Variants in DCAF1 observed in about 807,000 individuals in gnomAD.
DCAF1 encodes the protein DDB1 and CUL4 associated factor 1.
Under a neutral mutation model 128.0 loss-of-function variants are expected in DCAF1, and 15 were observed. The observed-to-expected ratio is 0.12, with a 90% CI of 0.08 to 0.18. The LOEUF is 0.18. Among genes scored for constraint, DCAF1 ranks in the 10% least tolerant of loss-of-function variants. The probability of loss-of-function intolerance (pLI) is 1.00; values close to 1 mark genes in which losing one functional copy is unlikely to be tolerated. For synonymous variants in DCAF1, 610 were observed against 603.0 expected (o/e 1.01, Z -0.17); for missense variants, 988 against 1,649.5 (o/e 0.60, Z 6.95).
At chr3:51,463,043 C>T (rs1553645133) in intron 6 of DCAF1, 71 bp downstream of exon 6, 2 of 1,057,902 alleles carry the variant, frequency 1.9e-6, no homozygotes, top group African/African-American at 1.6e-5. Flanking sequence ...TGATTTTAAC[C>T]ACAAAGACAA....
At chr3:51,423,121 G>A (rs1457072308) in intron 13 of DCAF1, among the ~76,000 whole-genome samples, 1 of 151,778 alleles carries the variant, frequency 6.6e-6, no homozygotes, top group African/African-American at 2.4e-5. Flanking sequence ...AAGTAATCTG[G>A]AAATATGAAA....
At chr3:51,483,285 TA>T (rs879989564) in intron 3 of DCAF1, among the ~76,000 whole-genome samples, 5 of 148,716 alleles carry the variant, frequency 3.4e-5, no homozygotes, top group African/African-American at 7.5e-5. Context: ...CTAAAAAATA[TA>T]AAAAGTAGCC....
chr3:51,463,535 C>A (rs1553645425), intron 5 of DCAF1, among the ~76,000 whole-genome samples: 5 of 152,118 alleles, frequency 3.3e-5, no homozygotes, highest in Non-Finnish European at 1.5e-5. Context: ...GTAATCCCAG[C>A]ACTTTGGGAA....
chr3:51,484,832 GC>G (rs1471564334), intron 2 of DCAF1, among the ~76,000 whole-genome samples: 1 of 134,686 alleles, frequency 7.4e-6, no homozygotes, highest in Non-Finnish European at 1.6e-5. Flanking sequence ...ACAGGCGCCC[GC>G]CACCATGCCT....
chr3:51,435,303 C>T (rs1577133186), intron 9 of DCAF1, among the ~76,000 whole-genome samples: 1 of 152,248 alleles, frequency 6.6e-6, no homozygotes, highest in East Asian at 1.9e-4. Context: ...TATCCTTGGG[C>T]CACTGGAGAC....
At chr3:51,407,984 C>CAAAAA (rs59224025) in intron 23 of DCAF1, among the ~76,000 whole-genome samples, 4,661 of 52,242 alleles carry the variant, frequency 0.089, 1,105 homozygotes, top group African/African-American at 0.11. Flanking sequence ...GACTCCATCT[C>CAAAAA]AAAAAAAAAA....
rs1182074425 is a variant in DCAF1, at chr3:51,425,375, G to A, written c.1847+1997C>T. Among the ~76,000 whole-genome samples, 3 of 151,914 alleles carry A rather than the reference G, an allele frequency of 2.0e-5. No individual in the cohort carries two copies. The South Asian group carries it at 6.2e-4, about 31-fold the overall frequency. On this transcript the variant is annotated intron_variant, in intron 13 of 24. Coordinates refer to ENST00000684031, the MANE Select transcript of DCAF1 (RefSeq NM_001387579.1). ...TAATCCCAGCTACTTCAGAGACTGA[G>A]GCACAAGAATCACTTGAACCTGGGA...
intron 9 of DCAF1, chr3:51,438,119 G>T: frequency 4.7e-6 from 2 of 424,580 alleles, no homozygotes; most frequent in South Asian, 1.8e-5. Context: ...AAAGTTTGGT[G>T]TGGTTATGCA....
chr3:51,449,896 T>C (rs1170183784), intron 6 of DCAF1, among the ~76,000 whole-genome samples: 1 of 151,962 alleles, frequency 6.6e-6, no homozygotes, highest in Non-Finnish European at 1.5e-5. Flanking sequence ...ATAACCAAGA[T>C]AAAATGGACA....
At chr3:51,471,045 TA>T in intron 3 of DCAF1, 40 bp from the exon 4 acceptor site, 24 of 1,424,284 alleles carry the variant, frequency 1.7e-5, no homozygotes, top group South Asian at 5.0e-5. Flanking sequence ...TGGACAAGCA[TA>T]AAAAAATGGA....
chr3:51,403,131 C>A lies in DCAF1; in HGVS notation c.4465+12G>T. 1 of 1,605,152 alleles carries A rather than the reference C, an allele frequency of 6.2e-7. No homozygotes were observed. Among genetic ancestry groups the A allele is most frequent in the Non-Finnish European group, 8.5e-7 (1 of 1,174,716 alleles). The stretch of plus-strand genomic sequence containing the variant: ...GTGCCAAGGCTCAGCCTGAACTCTG[C>A]CCTATACTTACTGTCCCCCAGGATC... On this transcript the variant is annotated intron_variant, in intron 24 of 24. Coordinates refer to ENST00000684031, the MANE Select transcript of DCAF1 (RefSeq NM_001387579.1).
At chr3:51,494,264 G>A (rs56224965) in intron 2 of DCAF1, among the ~76,000 whole-genome samples, 11,306 of 151,528 alleles carry the variant, frequency 0.075, 569 homozygotes, top group Non-Finnish European at 0.11. Flanking sequence ...ACAGGCACCG[G>A]CCACCACACC....
Position 51,441,700 on chromosome 3 carries a change from C to T in DCAF1, c.711G>A (p.Met237Ile), listed in dbSNP as rs1328044681. 1 of 1,613,856 alleles carries T rather than the reference C, an allele frequency of 6.2e-7. No individual in the cohort carries two copies. Among genetic ancestry groups the T allele is most frequent in the African/African-American group, 1.3e-5 (1 of 74,904 alleles). The change falls in exon 8 of 25, where the codon ATG (methionine) becomes ATA (isoleucine). Residue 237 changes from methionine to isoleucine, a missense_variant. Around this residue, in one of 11 missense-constraint regions of DCAF1, gnomAD observed 210 missense variants for 260.2 expected, o/e 0.81. Transcript: ENST00000684031. Reference sequence around the variant, plus strand: ...CTGAATCAAGATGAAAGGAGATCTCCATGTCTCCAGAAGCTTCCTCTTGGT... The same window carrying T: ...CTGAATCAAGATGAAAGGAGATCTCTATGTCTCCAGAAGCTTCCTCTTGGT... Reference protein sequence around the residue: ...DGDQEEASGDMEISFHLDSGH... With the variant: ...DGDQEEASGDIEISFHLDSGH...
intron 3 of DCAF1, among the ~76,000 whole-genome samples, chr3:51,479,296 G>A (rs560719667): frequency 4.6e-5 from 7 of 151,594 alleles, no homozygotes; most frequent in Non-Finnish European, 1.5e-5. Flanking sequence ...GAGTCCAGGT[G>A]TTCAAGACCA....
intron 4 of DCAF1, among the ~76,000 whole-genome samples, chr3:51,470,212 A>T (rs1468981536): frequency 6.6e-6 from 1 of 152,108 alleles, no homozygotes; most frequent in Non-Finnish European, 1.5e-5. Flanking sequence ...TATTTAGAGG[A>T]TAATTATTAT....
At chr3:51,417,495 C>T (rs1426602350) in intron 17 of DCAF1, among the ~76,000 whole-genome samples, 3 of 150,316 alleles carry the variant, frequency 2.0e-5, no homozygotes, top group East Asian at 2.0e-4. Context: ...CCAAGGCCAG[C>T]GGATCACAAG....
chr3:51,417,633 C>T (rs1285888370), intron 17 of DCAF1, among the ~76,000 whole-genome samples: 9 of 151,600 alleles, frequency 5.9e-5, no homozygotes, highest in African/African-American at 1.7e-4. Flanking sequence ...GGCAGGAGAA[C>T]GGTGTGAACC....
chr3:51,412,374 C>G lies in DCAF1; in HGVS notation c.4212+5G>C. 2 of 1,613,864 alleles carry G rather than the reference C, an allele frequency of 1.2e-6. No homozygotes were observed. The highest frequency in any genetic ancestry group is 1.7e-6 in the Non-Finnish European group (2 of 1,179,836). ...CAGCAGAAAGAAATCTCAAAGACCA[C>G]TGACCTGGTCCTCCTCTTCATCCTC... On this transcript the variant is annotated splice_donor_5th_base_variant and intron_variant, in intron 23 of 24. Transcript: ENST00000684031.
At chr3:51,411,382 A>C (rs1698403845) in intron 23 of DCAF1, among the ~76,000 whole-genome samples, 1 of 152,150 alleles carries the variant, frequency 6.6e-6, no homozygotes, top group African/African-American at 2.4e-5. Context: ...TGCCCTGGAG[A>C]ATGTACTCTT....
Sources: gnomAD v4.1 joint callset for allele counts (sites outside exome capture counted in the v4.1 genomes callset) on GRCh38, gnomAD v4.1.1 for gene constraint, gnomAD v4.1.1 regional missense constraint, MANE v1.5 for transcripts, NCBI Gene and HGNC (gene_info 2026-07-23, HGNC 2026-07-21) for gene names.